The following CES5A variants were observed in gnomAD, a reference collection of about 807,000 sequenced individuals.
CES5A encodes carboxylesterase 5A, also known as carboxylesterase 5.
A neutral mutation model predicts 62.9 loss-of-function variants in CES5A; 67 were observed. That is an observed-to-expected ratio of 1.07 (90% CI 0.88 to 1.31). The LOEUF (loss-of-function observed/expected upper bound fraction) is 1.31. Among genes scored for constraint, CES5A ranks in the 50% most tolerant of loss-of-function variants. The pLI is 0.00. For synonymous variants in CES5A, 296 were observed against 280.8 expected (o/e 1.05, Z -0.54); for missense variants, 748 against 708.5 (o/e 1.06, Z -0.63).
chr16:55,944,327 A>G, intron 2 of CES5A: 1 of 566,012 alleles, frequency 1.8e-6, no homozygotes. Flanking sequence ...GTAAAAGGTA[A>G]GAACATGCTT....
chr16:55,860,276 T>C (rs1438219676), intron 7 of CES5A, among the ~76,000 whole-genome samples: 18 of 152,180 alleles, frequency 1.2e-4, no homozygotes, highest in African/African-American at 4.1e-4. Context: ...CCTTTATAAA[T>C]TACCCAGTCT....
At chr16:55,914,187 A>T (rs2034122062) in intron 1 of CES5A, among the ~76,000 whole-genome samples, 1 of 152,182 alleles carries the variant, frequency 6.6e-6, no homozygotes, top group African/African-American at 2.4e-5. Context: ...AAATCTGGCA[A>T]CCCTACCCTT....
chr16:55,876,819 T>A (rs1162661001), upstream of CES5A, among the ~76,000 whole-genome samples: 3 of 152,130 alleles, frequency 2.0e-5, no homozygotes, highest in Non-Finnish European at 4.4e-5. Flanking sequence ...ACCGTGTGGC[T>A]TCGAAGAAAA....
intron 2 of CES5A, among the ~76,000 whole-genome samples, chr16:55,935,723 G>C (rs1473742678): frequency 6.6e-6 from 1 of 151,482 alleles, no homozygotes; most frequent in African/African-American, 2.4e-5. Context: ...GTAGATGTCT[G>C]TGTGTAACTT....
At position 55,849,572 on chromosome 16, in the gene CES5A, T is replaced by C. The variant is rs189003530; in HGVS notation, c.1423+52A>G. 349 of 1,592,602 alleles carry C rather than the reference T, an allele frequency of 2.2e-4. 1 individual carries two copies. In the African/African-American group the frequency reaches 4.4e-3, roughly 20 times the overall value. ...AGTCCTCCAGGCGCTTGCATCGTGGTGGGGTAAGCAAGGGGCTTCATGTGA... is the reference window on the plus strand; with the variant it reads ...AGTCCTCCAGGCGCTTGCATCGTGGCGGGGTAAGCAAGGGGCTTCATGTGA... On this transcript the variant is annotated intron_variant, in intron 11 of 12. Transcript: ENST00000290567.
At chr16:55,848,940 C>A (rs189162817) in intron 11 of CES5A, among the ~76,000 whole-genome samples, 174 of 152,258 alleles carry the variant, frequency 1.1e-3, no homozygotes, top group African/African-American at 4.1e-3. Context: ...TAATGAATAA[C>A]CCACAGTGCA....
intron 1 of CES5A, among the ~76,000 whole-genome samples, chr16:55,886,880 A>G (rs376114822): frequency 7.9e-5 from 12 of 152,084 alleles, no homozygotes; most frequent in Admixed American, 1.3e-4. Context: ...ATAGGATGTA[A>G]TCACATCAAC....
At chr16:55,879,271 T>C (rs2033736128), upstream of CES5A, among the ~76,000 whole-genome samples, 1 of 122,220 alleles carries the variant, frequency 8.2e-6, no homozygotes, top group South Asian at 2.7e-4. Context: ...ACAGTGTACC[T>C]CACCACTGCA....
intron 2 of CES5A, among the ~76,000 whole-genome samples, chr16:55,931,771 C>A (rs2034314709): frequency 6.6e-6 from 1 of 152,190 alleles, no homozygotes; most frequent in South Asian, 2.1e-4. Context: ...TGACTCCTGG[C>A]CTCTCACTAC....
upstream of CES5A, among the ~76,000 whole-genome samples, chr16:55,877,432 A>G (rs536067212): frequency 4.8e-4 from 70 of 146,172 alleles, no homozygotes; most frequent in Admixed American, 1.3e-3. Context: ...ATATATATAT[A>G]TGTGTGTGTG....
At chr16:55,940,525 AATCT>A (rs1224668966) in intron 2 of CES5A, among the ~76,000 whole-genome samples, 1 of 152,030 alleles carries the variant, frequency 6.6e-6, no homozygotes, top group Non-Finnish European at 1.5e-5. Context: ...TTAAAAATTG[AATCT>A]ATCTTTTAAA....
intron 1 of CES5A, among the ~76,000 whole-genome samples, chr16:55,919,342 T>C (rs2034178446): frequency 6.6e-6 from 1 of 152,248 alleles, no homozygotes; most frequent in Non-Finnish European, 1.5e-5. Flanking sequence ...ATGGAGAAGC[T>C]AGAGTCACTT....
At chr16:55,912,125 G>T (rs1182627885) in intron 1 of CES5A, among the ~76,000 whole-genome samples, 1 of 152,094 alleles carries the variant, frequency 6.6e-6, no homozygotes, top group African/African-American at 2.4e-5. Context: ...TCATGGGCCT[G>T]ACTGTCGGCA....
In CES5A at chr16:55,882,237, C is replaced by T. The variant is rs188004608; in HGVS notation, c.-255-8200G>A. Among the ~76,000 whole-genome samples, 23 of 152,262 alleles carry T rather than the reference C, an allele frequency of 1.5e-4. No individual in the cohort carries two copies. The East Asian group carries it at 4.4e-3, about 29-fold the overall frequency. On this transcript the variant is annotated intron_variant, in intron 1 of 12. Transcript: ENST00000518005. ...AACTATAAACATACCCCCAGTCCTT[C>T]CTAAAAGAGATTTATAGCCAGGACT...
chr16:55,853,129 T>C (rs1172202742), intron 9 of CES5A, 101 bp from the exon 10 acceptor site: 2 of 1,215,064 alleles, frequency 1.6e-6, no homozygotes, highest in African/African-American at 3.0e-5. Flanking sequence ...TTTACCCACA[T>C]TGCTTCATTT....
rs747825509 is a variant in CES5A at position 55,846,749 on chromosome 16, G to T, written c.1496+19C>A. The T allele has an allele frequency of 1.2e-6, 2 of 1,613,354 alleles. No homozygotes were observed. The highest frequency in any genetic ancestry group is 1.7e-6 in the Non-Finnish European group (2 of 1,179,404). ...ACACCCCAGGCCTTGGCATGGGGGA[G>T]ACCGGGAGGTTTACTTACCCGGTTC... is the stretch of plus-strand genomic sequence containing the variant. On this transcript the variant is annotated intron_variant, in intron 12 of 12. Transcript: ENST00000290567.
chr16:55,945,333 T>G (rs891928640), intron 2 of CES5A, among the ~76,000 whole-genome samples: 2 of 152,220 alleles, frequency 1.3e-5, no homozygotes, highest in Admixed American at 1.3e-4. Context: ...CACAAGGTTG[T>G]TCAGTGAATC....
intron 1 of CES5A, among the ~76,000 whole-genome samples, chr16:55,887,519 A>G (rs1426215705): frequency 6.6e-6 from 1 of 152,166 alleles, no homozygotes; most frequent in East Asian, 1.9e-4. Context: ...CAGATCCATC[A>G]GGGGTAAGAG....
chr16:55,852,500 G>A (rs142092528), intron 10 of CES5A, among the ~76,000 whole-genome samples: 12 of 152,274 alleles, frequency 7.9e-5, no homozygotes, highest in South Asian at 2.1e-4. Flanking sequence ...ATTTAAAGTC[G>A]ATTACTTTAG....
Sources: allele counts gnomAD v4.1 joint callset (sites outside exome capture counted in the v4.1 genomes callset), GRCh38; gene constraint gnomAD v4.1.1; transcripts MANE v1.5; gene names NCBI Gene and HGNC (gene_info 2026-07-23, HGNC 2026-07-21).